DCST2: variants seen among roughly 807,000 people sequenced by gnomAD.
The protein encoded by DCST2 is DC-STAMP domain containing 2, also known as DC-STAMP domain-containing protein 2.
In DCST2, 64 loss-of-function variants were observed where a neutral mutation model predicts 81.8. The observed-to-expected ratio is 0.78, with a 90% confidence interval of 0.64 to 0.96. The LOEUF is 0.96. Among genes scored for constraint, DCST2 ranks in the 40% least tolerant of loss-of-function variants. DCST2 has a pLI of 0.00. For missense variants in DCST2, 945 were observed against 1,001.4 expected, an observed-to-expected ratio of 0.94 and a Z score of 0.76; for synonymous variants, 354 against 402.6, an observed-to-expected ratio of 0.88 and a Z score of 1.44.
At chr1:155,033,047 G>A (rs1227200055) in intron 2 of DCST2, 47 bp downstream of exon 2, 13 of 1,487,354 alleles carry the variant, frequency 8.7e-6, no homozygotes. Flanking sequence ...AGGATGAGGG[G>A]GGCGAGGGGG....
chr1:155,023,940 A>G lies in DCST2; in HGVS notation c.1762T>C (p.Phe588Leu). Residue 588 changes from phenylalanine to leucine, a missense_variant, in exon 12 of 15, where the codon TTT becomes CTT. Transcript: ENST00000368424. ...TGATGCAGCCAAAAGTGGCTGACAA[A>G]TGGACCTAGGCAGGGGCACCTGAGA... ...LASRCPCLGP[F>L]VSHFWLHQAY... 3 of 1,613,378 alleles carry G rather than the reference A, an allele frequency of 1.9e-6. No homozygotes were observed. The highest frequency in any genetic ancestry group is 2.5e-6 in the Non-Finnish European group (3 of 1,179,876).
rs1316508672 is a variant in DCST2 at position 155,031,516 on chromosome 1, C to G, written c.739+58G>C. The stretch of plus-strand genomic sequence containing the variant: ...TGCCCTCCCAACTGACCCCCACATT[C>G]CCACCCCACCCCACCCCACATCGGC... On this transcript the variant is annotated intron_variant, in intron 4 of 14. Coordinates refer to ENST00000368424, the MANE Select transcript of DCST2 (RefSeq NM_144622.3). 1.4e-3 allele frequency: 726 copies of G among 524,950 alleles called. 1 individual carries two copies. Among genetic ancestry groups the G allele is most frequent in the Non-Finnish European group, 2.3e-3 (622 of 269,970 alleles). The allele number at this position is 524,950 out of a possible 1,614,324, so 32.5% of individuals were successfully genotyped here.
chr1:155,030,122 G>T lies in DCST2; in HGVS notation c.1139C>A (p.Pro380Gln). 1 of 1,614,030 alleles carries T rather than the reference G, an allele frequency of 6.2e-7. No homozygotes were observed. Among genetic ancestry groups the T allele is most frequent in the South Asian group, 1.1e-5 (1 of 91,078 alleles). The change falls in exon 7 of 15, where the codon CCG becomes CAG. Residue 380 changes from proline to glutamine, a missense_variant. Pro to Gln is a moderately conservative substitution (Grantham distance 76). Coordinates refer to ENST00000368424, the MANE Select transcript of DCST2 (RefSeq NM_144622.3). ...RSTAGLPTVLPLSAHEARRYI... is the reference protein window; with the variant it reads ...RSTAGLPTVLQLSAHEARRYI... ...GCGCCTGGCCTCGTGAGCACTGAGCGGTAGCACTGTGGGCAGCCCTGCCGT... is the reference window on the plus strand; with the variant it reads ...GCGCCTGGCCTCGTGAGCACTGAGCTGTAGCACTGTGGGCAGCCCTGCCGT...
Position 155,018,739 on chromosome 1 carries a change from C to A in DCST2, c.2127G>T (p.Gly709=). ...SESSDLDEEK[G]PQQRKHGQQP... ...GCTGCCCGTGCTTCCTCTGCTGAGG[C>A]CCCTTCTCCTCATCCAGGTCACTAG... is the stretch of plus-strand genomic sequence containing the variant. The change falls in exon 15 of 15, where the codon GGG becomes GGT. Residue 709 remains glycine (G), a synonymous_variant. Coordinates refer to ENST00000368424, the MANE Select transcript of DCST2 (RefSeq NM_144622.3). 1 of 1,613,306 alleles carries A rather than the reference C, an allele frequency of 6.2e-7. No homozygotes were observed. Among genetic ancestry groups the A allele is most frequent in the Non-Finnish European group, 8.5e-7 (1 of 1,179,916 alleles).
rs1404235190 is a variant in DCST2, at chr1:155,030,318, C to T, written c.1020-77G>A. 5.6e-6 allele frequency: 9 copies of T among 1,601,174 alleles called. No individual in the cohort carries two copies. The African/African-American group carries it at 6.7e-5, about 12-fold the overall frequency. ...ACCCCACAGGGCATCCGCGCTTCAA[C>T]CCCACAACTTCAACCTCCCTGGATG... On this transcript the variant is annotated intron_variant, in intron 6 of 14. Coordinates refer to ENST00000368424, the MANE Select transcript of DCST2 (RefSeq NM_144622.3).
At position 155,029,244 on chromosome 1, in the gene DCST2, A is replaced by G; in HGVS notation, c.1331T>C (p.Ile444Thr). Reference protein sequence around the residue: ...DLARHQLQGEIVARSPVLVSL... With the variant: ...DLARHQLQGETVARSPVLVSL... ...ACGTAGGCACTCACTGCGGGCCACA[A>G]TCTCCCCCTGCAGCTGGTGCCGGGC... Residue 444 changes from isoleucine to threonine, a missense_variant, in exon 8 of 15, where the codon ATT (isoleucine) becomes ACT (threonine). Ile to Thr is a moderately conservative substitution (Grantham distance 89). Transcript: ENST00000368424. The G allele has an allele frequency of 6.2e-7, 1 of 1,613,414 alleles. No individual in the cohort carries two copies.
chr1:155,031,226 C>G lies in DCST2; in HGVS notation c.748G>C (p.Val250Leu). The change falls in exon 5 of 15, where the codon GTG becomes CTG. Residue 250 changes from valine (V) to leucine (L), a missense_variant. By Grantham distance (32) the Val-to-Leu change is conservative (BLOSUM62 1). Coordinates refer to ENST00000368424, the MANE Select transcript of DCST2 (RefSeq NM_144622.3). ...ALCGLASLVQ[V>L]FCVIPKYIQP... ...ATGTACTTAGGGATGACGCAGAACA[C>G]CTGGACCACTGAGGGGCGGAGTCGG... is the stretch of plus-strand genomic sequence containing the variant. The G allele has an allele frequency of 6.3e-7, 1 of 1,582,516 alleles. No homozygotes were observed.
At chr1:155,028,711 A>G (rs1358127035) in intron 8 of DCST2, among the ~76,000 whole-genome samples, 1 of 149,856 alleles carries the variant, frequency 6.7e-6, no homozygotes, top group Non-Finnish European at 1.5e-5. Context: ...CATCTCTACT[A>G]AAAATACAAA....
In DCST2 at chr1:155,023,382, C is replaced by T. The variant is rs758283250; in HGVS notation, c.1946G>A (p.Gly649Glu). 3.3e-5 allele frequency: 53 copies of T among 1,608,640 alleles called. No individual in the cohort carries two copies. Among genetic ancestry groups the T allele is most frequent in the Non-Finnish European group, 4.2e-5 (50 of 1,177,412 alleles). The change falls in exon 13 of 15, where the codon GGG becomes GAG. Residue 649 changes from glycine (G) to glutamate (E), a missense_variant. Transcript: ENST00000368424. ...SVCASPLSYQ[G>E]DLDLELDSSD... ...GACTCACAGCTCCAGGTCCAGGTCCCCCTGGTAGGAGAGGGGAGATGCACA... is the reference window on the plus strand; with the variant it reads ...GACTCACAGCTCCAGGTCCAGGTCCTCCTGGTAGGAGAGGGGAGATGCACA...
chr1:155,032,708 C>G lies in DCST2; in HGVS notation c.500G>C (p.Arg167Pro), dbSNP rs777405648. ...RKTKEVADRV[R>P]KFFRSIMDGV... ...ATCCATGATTGACCGAAAGAACTTG[C>G]GGACCCGGTCAGCCACCTCTTTGGT... is the stretch of plus-strand genomic sequence containing the variant. Residue 167 changes from arginine to proline, a missense_variant, in exon 3 of 15, where the codon CGC becomes CCC. By Grantham distance (103) the Arg-to-Pro change is moderately radical. Transcript: ENST00000368424. 10 of 1,614,092 alleles carry G rather than the reference C, an allele frequency of 6.2e-6. No homozygotes were observed. The highest frequency in any genetic ancestry group is 8.5e-6 in the Non-Finnish European group (10 of 1,179,970).
Position 155,023,456 on chromosome 1 carries a change from A to G in DCST2, c.1872T>C (p.Gly624=), listed in dbSNP as rs1659809910. ...TVSCSTPGCQ[G]LYCLTCFRLL... ...GGCGGAAGCAAGTGAGGCAGTAGAG[A>G]CCTGGTGGAGGCCATGGGGAATGGA... The change falls in exon 13 of 15, where the codon GGT becomes GGC. Residue 624 remains glycine (G), a splice_region_variant and synonymous_variant. Coordinates refer to ENST00000368424, the MANE Select transcript of DCST2 (RefSeq NM_144622.3). 3 of 1,589,898 alleles carry G rather than the reference A, an allele frequency of 1.9e-6. No homozygotes were observed. In the Admixed American group the frequency reaches 5.4e-5, roughly 28 times the overall value.
In DCST2 at chr1:155,023,878, C is replaced by T. The variant is rs1385710202; in HGVS notation, c.1824G>A (p.Glu608=). 1.9e-6 allele frequency: 3 copies of T among 1,613,554 alleles called. No homozygotes were observed. Among genetic ancestry groups the T allele is most frequent in the African/African-American group, 1.3e-5 (1 of 74,912 alleles). ...AGGACACAGTGTTCTCCATGTCTCC[C>T]TCATCCTGGGGCTGCCCACAGCCCA... The part of the protein sequence containing the change: ...YCLGCGQPQD[E]GDMENTVSCS... Residue 608 remains glutamate, a synonymous_variant, in exon 12 of 15, where the codon GAG becomes GAA. Coordinates refer to ENST00000368424, the MANE Select transcript of DCST2 (RefSeq NM_144622.3).
In DCST2 at chr1:155,033,106, G is replaced by A. The variant is rs376401618; in HGVS notation, c.427C>T (p.Gln143Ter). 3 of 1,580,344 alleles carry A rather than the reference G, an allele frequency of 1.9e-6. No individual in the cohort carries two copies. Among genetic ancestry groups the A allele is most frequent in the East Asian group, 2.3e-5 (1 of 44,208 alleles). ...QTAEVLQRAKQPLVSALNKIK... is the reference protein window; with the variant it reads ...QTAEVLQRAK ...GTGGGGGACTTACTGACAAGAGGTT[G>A]CTTGGCCCTCTGTAGCACTTCGGCG... is the stretch of plus-strand genomic sequence containing the variant. The change falls in exon 2 of 15, where the codon CAA (glutamine) becomes TAA (stop). Residue 143 changes from glutamine (Q) to a stop codon, truncating the protein, a stop_gained. Coordinates refer to ENST00000368424, the MANE Select transcript of DCST2 (RefSeq NM_144622.3). LOFTEE classifies it high-confidence loss of function.
chr1:155,024,176 C>T (rs1659832302), intron 11 of DCST2, among the ~76,000 whole-genome samples: 1 of 152,148 alleles, frequency 6.6e-6, no homozygotes, highest in Non-Finnish European at 1.5e-5. Context: ...AGAGGGATAG[C>T]ATTAGGAGAC....
chr1:155,018,901 C>T (rs970163436), intron 14 of DCST2, 141 bp from the exon 15 acceptor site: 6 of 811,108 alleles, frequency 7.4e-6, no homozygotes, highest in African/African-American at 5.2e-5. Context: ...GCCCACGAGG[C>T]GTACCAGCCC....
At position 155,033,255 on chromosome 1, in the gene DCST2, C is replaced by T. The variant is rs192247760; in HGVS notation, c.278G>A (p.Arg93Gln). The T allele has an allele frequency of 4.5e-5, 72 of 1,609,594 alleles. No individual in the cohort carries two copies. In the East Asian group the frequency reaches 7.4e-4, roughly 16 times the overall value. Reference protein sequence around the residue: ...LLPQAFSRQGRTLLLVAAFGL... With the variant: ...LLPQAFSRQGQTLLLVAAFGL... ...AAAAGCAGCCACCAACAGTAGTGTC[C>T]GGCCCTGCCCTGGGGGCGACAGCTT... Residue 93 changes from arginine (R) to glutamine (Q), a missense_variant, in exon 2 of 15, where the codon CGG becomes CAG. Transcript: ENST00000368424.
intron 14 of DCST2, among the ~76,000 whole-genome samples, chr1:155,020,113 C>A (rs1231603904): frequency 6.6e-6 from 1 of 152,150 alleles, no homozygotes; most frequent in African/African-American, 2.4e-5. Flanking sequence ...TCCACCTGGC[C>A]CTGGAGCCCA....
chr1:155,029,884 C>T (rs1660017674), intron 7 of DCST2, among the ~76,000 whole-genome samples, 200 bp downstream of exon 7: 1 of 152,242 alleles, frequency 6.6e-6, no homozygotes, highest in Admixed American at 6.5e-5. Context: ...CCCTTTCAGA[C>T]TGCGGGCTCC....
chr1:155,020,087 C>G (rs1271687286), intron 14 of DCST2, among the ~76,000 whole-genome samples: 1 of 152,178 alleles, frequency 6.6e-6, no homozygotes, highest in Non-Finnish European at 1.5e-5. Context: ...GCTCCTTTCT[C>G]AGGCAGGCCA....
Sources: allele counts gnomAD v4.1 joint callset (sites outside exome capture counted in the v4.1 genomes callset), GRCh38; gene constraint gnomAD v4.1.1; transcripts MANE v1.5; gene names NCBI Gene and HGNC (gene_info 2026-07-23, HGNC 2026-07-21).